CATSPERE: variants seen among roughly 807,000 people sequenced by gnomAD.
CATSPERE encodes cation channel sperm-associated auxiliary subunit epsilon.
CATSPERE carries 93 observed loss-of-function variants against 114.1 expected under a neutral mutation model. The ratio of observed to expected loss-of-function variants is 0.81; its 90% confidence interval spans 0.69 to 0.97. The LOEUF (loss-of-function observed/expected upper bound fraction) is 0.97. CATSPERE is among the 50% of genes least tolerant of loss of function. CATSPERE has a pLI of 0.00. For synonymous variants in CATSPERE, 341 were observed against 384.1 expected (o/e 0.89, Z 1.31); for missense variants, 1,058 against 1,131.6 (o/e 0.93, Z 0.93).
intron 11 of CATSPERE, among the ~76,000 whole-genome samples, chr1:244,580,583 C>T (rs1019842326): frequency 1.3e-5 from 2 of 152,144 alleles, no homozygotes; most frequent in Non-Finnish European, 2.9e-5. Context: ...CAAACACCCA[C>T]GTAATCACCA....
At position 244,633,957 on chromosome 1, in the gene CATSPERE, C is replaced by T. The variant is rs985373847; in HGVS notation, c.2649-1532C>T. 2.0e-5 allele frequency among the ~76,000 whole-genome samples: 3 copies of T among 151,636 alleles called. No individual in the cohort carries two copies. The highest frequency in any genetic ancestry group is 4.4e-5 in the Non-Finnish European group (3 of 67,866). On this transcript the variant is annotated intron_variant, in intron 20 of 21. Coordinates refer to ENST00000366534, the MANE Select transcript of CATSPERE (RefSeq NM_001130957.2). This position sits in a 1 kb window ranked among gnomAD's most constrained non-coding sequence, Gnocchi z 4.1. ...TCCGCTCACTGCAACCTACGCCTCC[C>T]GGTTCAAGCAATTCTCCTGCCTCAA...
intron 17 of CATSPERE, among the ~76,000 whole-genome samples, chr1:244,594,568 C>G (rs1193726264): frequency 1.3e-5 from 2 of 152,118 alleles, no homozygotes; most frequent in African/African-American, 2.4e-5. Flanking sequence ...CATTCATGTA[C>G]ATGTTTGGTC....
chr1:244,588,841 G>A (rs570750555), intron 14 of CATSPERE, among the ~76,000 whole-genome samples: 6 of 151,998 alleles, frequency 3.9e-5, no homozygotes, highest in African/African-American at 9.7e-5. Flanking sequence ...TTCAGTCTAC[G>A]GCTCATTCCC....
chr1:244,502,419 C>G (rs1674193614), intron 7 of CATSPERE, among the ~76,000 whole-genome samples: 1 of 152,038 alleles, frequency 6.6e-6, no homozygotes, highest in East Asian at 1.9e-4. Context: ...CATTATATGT[C>G]TTTAATTAGA....
chr1:244,502,360 A>G (rs12090302), intron 7 of CATSPERE, among the ~76,000 whole-genome samples: 10,007 of 152,184 alleles, frequency 0.066, 1,138 homozygotes, highest in African/African-American at 0.23. Context: ...TATGTGTCTT[A>G]TAAACACTAT....
chr1:244,609,799 G>A (rs1670473474), intron 18 of CATSPERE, among the ~76,000 whole-genome samples: 1 of 152,214 alleles, frequency 6.6e-6, no homozygotes, highest in African/African-American at 2.4e-5. Flanking sequence ...CCAACACTTT[G>A]GGAGGCTGAG....
At position 244,461,338 on chromosome 1, in the gene CATSPERE, C is replaced by T. The variant is rs138740235; in HGVS notation, c.-92C>T. The stretch of plus-strand genomic sequence containing the variant: ...TCCAGAGGCGCCGGGACCCAGGCGC[C>T]TGCAGCCGCCCGCCGGGCCGACGTC... On this transcript the variant is annotated 5_prime_UTR_variant, in exon 1 of 22. Coordinates refer to ENST00000366534, the MANE Select transcript of CATSPERE (RefSeq NM_001130957.2). 2.5e-6 allele frequency: 3 copies of T among 1,177,438 alleles called. No homozygotes were observed. The highest frequency in any genetic ancestry group is 3.2e-5 in the African/African-American group (2 of 62,838). 72.9% of individuals were successfully genotyped at this position (1,177,438 alleles called of 1,614,324 possible).
In CATSPERE at chr1:244,534,484, T is replaced by C. The variant is rs192249558; in HGVS notation, c.536+15786T>C. On this transcript the variant is annotated intron_variant, in intron 8 of 21. Transcript: ENST00000366534. ...TTTTTTCTATTGTCTTCTCTGATTG[T>C]GTATTTTCAAATAGCCTGTCTTCAA... Among the ~76,000 whole-genome samples, 6 of 152,306 alleles carry C rather than the reference T, an allele frequency of 3.9e-5. No individual in the cohort carries two copies. The East Asian group carries it at 1.2e-3, about 29-fold the overall frequency.
At chr1:244,539,427 AAAT>A (rs1658225726) in intron 8 of CATSPERE, among the ~76,000 whole-genome samples, 1 of 135,656 alleles carries the variant, frequency 7.4e-6, no homozygotes, top group South Asian at 2.9e-4. Context: ...TATTGGTCTA[AAAT>A]TCTCTTTTTT....
intron 6 of CATSPERE, among the ~76,000 whole-genome samples, chr1:244,494,747 A>G (rs989567876): frequency 1.3e-5 from 2 of 152,182 alleles, no homozygotes; most frequent in African/African-American, 2.4e-5. Flanking sequence ...ACACCTCTAT[A>G]TAGATATTGT....
intron 2 of CATSPERE, among the ~76,000 whole-genome samples, chr1:244,466,985 G>A (rs935520644): frequency 1.3e-5 from 2 of 152,196 alleles, no homozygotes; most frequent in African/African-American, 4.8e-5. Flanking sequence ...ACCCTTGAGG[G>A]TTCCTGGTTT....
At position 244,602,597 on chromosome 1, in the gene CATSPERE, A is replaced by G. The variant is rs550191944; in HGVS notation, c.2304-3098A>G. ...GGGAGTGTGATCTAGCTGGGAACCC[A>G]AGTCATCACAGCTGGATTCAGAGTC... On this transcript the variant is annotated intron_variant, in intron 17 of 21. Transcript: ENST00000366534. 2.0e-5 allele frequency among the ~76,000 whole-genome samples: 3 copies of G among 152,308 alleles called. No homozygotes were observed. In the East Asian group the frequency reaches 5.8e-4, roughly 29 times the overall value.
At chr1:244,628,268 G>C (rs1387189467) in intron 20 of CATSPERE, among the ~76,000 whole-genome samples, 1 of 152,066 alleles carries the variant, frequency 6.6e-6, no homozygotes, top group East Asian at 1.9e-4. Context: ...TGGGGGTCTT[G>C]GAACTATCCT....
intron 6 of CATSPERE, among the ~76,000 whole-genome samples, 199 bp downstream of exon 6, chr1:244,490,670 G>A (rs1205246197): frequency 6.6e-6 from 1 of 151,902 alleles, no homozygotes; most frequent in African/African-American, 2.4e-5. Context: ...GCATAAGGAT[G>A]GATCTTCCCC....
At chr1:244,497,218 A>G (rs977882540) in intron 6 of CATSPERE, among the ~76,000 whole-genome samples, 18 of 152,216 alleles carry the variant, frequency 1.2e-4, no homozygotes, top group African/African-American at 3.6e-4. Context: ...AAACCAAGCT[A>G]TATGATAATT....
chr1:244,469,505 T>G (rs1668126722), intron 2 of CATSPERE, among the ~76,000 whole-genome samples: 1 of 152,144 alleles, frequency 6.6e-6, no homozygotes, highest in Non-Finnish European at 1.5e-5. Flanking sequence ...ATGATAAGAC[T>G]CTTTTTAAAA....
upstream of CATSPERE, among the ~76,000 whole-genome samples, chr1:244,461,062 T>C (rs1467560886): frequency 1.3e-5 from 2 of 151,416 alleles, no homozygotes; most frequent in Non-Finnish European, 2.9e-5. Flanking sequence ...TCACATTCTT[T>C]CTGGCAAATT....
At chr1:244,473,015 A>G (rs1668735044) in intron 2 of CATSPERE, among the ~76,000 whole-genome samples, 1 of 152,238 alleles carries the variant, frequency 6.6e-6, no homozygotes, top group Non-Finnish European at 1.5e-5. Flanking sequence ...TAGTTTATCC[A>G]TTCACCTAGT....
At chr1:244,580,112 C>T (rs1456290031) in intron 11 of CATSPERE, among the ~76,000 whole-genome samples, 4 of 152,056 alleles carry the variant, frequency 2.6e-5, no homozygotes, top group African/African-American at 9.7e-5. Context: ...TGTTGGTTCA[C>T]CGCAACCTCT....
Sources: gnomAD v4.1 joint callset for allele counts (sites outside exome capture counted in the v4.1 genomes callset) on GRCh38, gnomAD v4.1.1 for gene constraint, Gnocchi (gnomAD v3.1) non-coding constraint, MANE v1.5 for transcripts, NCBI Gene and HGNC (gene_info 2026-07-23, HGNC 2026-07-21) for gene names.